ZC3H3: variants seen among roughly 807,000 people sequenced by gnomAD.
ZC3H3 encodes the protein zinc finger CCCH domain-containing protein 3.
Under a neutral mutation model 77.3 loss-of-function variants are expected in ZC3H3, and 36 were observed. The ratio of observed to expected loss-of-function variants is 0.47; its 90% CI spans 0.36 to 0.61. The LOEUF (loss-of-function observed/expected upper bound fraction) is 0.61, where lower values mean the gene tolerates loss of function less well. ZC3H3 is among the 20% of genes least tolerant of loss of function. The pLI is 0.00. For missense variants in ZC3H3, 1,331 were observed against 1,312.2 expected, an observed-to-expected ratio of 1.01 and a Z score of -0.22; for synonymous variants, 626 against 555.2, an observed-to-expected ratio of 1.13 and a Z score of -1.79.
chr8:143,511,217 C>A (rs536376502), intron 3 of ZC3H3, among the ~76,000 whole-genome samples: 1 of 152,118 alleles, frequency 6.6e-6, no homozygotes, highest in South Asian at 2.1e-4. Flanking sequence ...ATCAGGAGGG[C>A]GGCCGCTGAG....
intron 4 of ZC3H3, 41 bp from the exon 5 acceptor site, chr8:143,475,626 C>A (rs1207904844): frequency 6.5e-7 from 1 of 1,528,730 alleles, no homozygotes; most frequent in Admixed American, 2.0e-5. Context: ...GGCCCCAGGA[C>A]AGACTACAGC....
chr8:143,518,239 C>G (rs994200154), intron 3 of ZC3H3, among the ~76,000 whole-genome samples: 1 of 152,046 alleles, frequency 6.6e-6, no homozygotes, highest in African/African-American at 2.4e-5. Flanking sequence ...CAGCCTAACC[C>G]AGGGAGCCCG....
intron 9 of ZC3H3, among the ~76,000 whole-genome samples, chr8:143,459,414 C>T (rs929856293): frequency 8.5e-4 from 129 of 152,186 alleles, no homozygotes; most frequent in African/African-American, 2.8e-3. Context: ...CTGGGCCTGG[C>T]AGCGCGTGCC....
chr8:143,528,897 C>T (rs1822507008), intron 3 of ZC3H3, among the ~76,000 whole-genome samples: 1 of 152,244 alleles, frequency 6.6e-6, no homozygotes, highest in Admixed American at 6.5e-5. Context: ...GCACGCAGGG[C>T]GGCCAGGGTG....
intron 4 of ZC3H3, among the ~76,000 whole-genome samples, chr8:143,495,107 G>A (rs144281315): frequency 1.6e-3 from 251 of 152,302 alleles, no homozygotes; most frequent in Non-Finnish European, 2.5e-3. Context: ...TGGAAACACA[G>A]GTGCACAGAA....
At chr8:143,539,777 C>T (rs1470051657) in intron 1 of ZC3H3, among the ~76,000 whole-genome samples, 1 of 152,232 alleles carries the variant, frequency 6.6e-6, no homozygotes, top group African/African-American at 2.4e-5. Context: ...AGAACTGACA[C>T]TCTCGAGGAC....
Position 143,440,015 on chromosome 8 carries a change from G to T in ZC3H3, c.2815+26C>A, listed in dbSNP as rs117239159. 8 of 1,470,252 alleles carry T rather than the reference G, an allele frequency of 5.4e-6. No individual in the cohort carries two copies. In the Admixed American group the frequency reaches 1.6e-4, roughly 29 times the overall value. 91.1% of individuals were successfully genotyped at this position (1,470,252 alleles called of 1,614,324 possible). On this transcript the variant is annotated intron_variant, in intron 11 of 11. Coordinates refer to ENST00000262577, the MANE Select transcript of ZC3H3 (RefSeq NM_015117.3). Reference sequence around the variant, plus strand: ...AATCCTTGGTGAGGGGGGCCCTGGGGGCCCGAGCCAGGCCGTGCTGCCTAC... The same window carrying T: ...AATCCTTGGTGAGGGGGGCCCTGGGTGCCCGAGCCAGGCCGTGCTGCCTAC...
intron 3 of ZC3H3, among the ~76,000 whole-genome samples, chr8:143,527,354 C>T (rs1194762757): frequency 6.6e-6 from 1 of 152,176 alleles, no homozygotes; most frequent in Non-Finnish European, 1.5e-5. Context: ...CCCAAGCTGT[C>T]CCCAGTGTGG....
chr8:143,538,493 C>T lies in ZC3H3; in HGVS notation c.874G>A (p.Ala292Thr). The stretch of plus-strand genomic sequence containing the variant: ...GTCACAACCAGCGAGGCCTCCCGGG[C>T]CTGCCTGGGTCCTGAGGCCGGTCTG... ...PARPASGPRQAREASLVVTCR... is the reference protein window; with the variant it reads ...PARPASGPRQTREASLVVTCR... The change falls in exon 2 of 12, where the codon GCC becomes ACC. Residue 292 changes from alanine (A) to threonine (T), a missense_variant. Coordinates refer to ENST00000262577, the MANE Select transcript of ZC3H3 (RefSeq NM_015117.3). 1 of 1,612,856 alleles carries T rather than the reference C, an allele frequency of 6.2e-7. No individual in the cohort carries two copies. The highest frequency in any genetic ancestry group is 8.5e-7 in the Non-Finnish European group (1 of 1,180,034).
chr8:143,489,543 A>C (rs1285948921), intron 4 of ZC3H3, among the ~76,000 whole-genome samples: 3 of 152,136 alleles, frequency 2.0e-5, no homozygotes, highest in Non-Finnish European at 4.4e-5. Flanking sequence ...CAGCCTCCGC[A>C]GGCAAGGGGG....
intron 3 of ZC3H3, among the ~76,000 whole-genome samples, chr8:143,527,655 G>C (rs1213883639): frequency 6.6e-6 from 1 of 152,200 alleles, no homozygotes; most frequent in African/African-American, 2.4e-5. Flanking sequence ...CAGGACTCCA[G>C]ATCTAACTGC....
chr8:143,456,040 T>C (rs1280365416), intron 9 of ZC3H3, among the ~76,000 whole-genome samples: 1 of 120,128 alleles, frequency 8.3e-6, no homozygotes, highest in East Asian at 2.6e-4. Context: ...TGGAAGATAA[T>C]AGAAACATGT....
intron 4 of ZC3H3, among the ~76,000 whole-genome samples, chr8:143,495,762 CTTTTTTT>C (rs77825264): frequency 2.2e-5 from 3 of 139,484 alleles, no homozygotes; most frequent in Non-Finnish European, 3.1e-5. Flanking sequence ...TCTTTTCTTT[CTTTTTTT>C]TTTTTTTTTA....
chr8:143,476,551 C>T (rs531872217), intron 4 of ZC3H3, among the ~76,000 whole-genome samples: 7 of 152,270 alleles, frequency 4.6e-5, no homozygotes, highest in South Asian at 2.1e-4. Context: ...TGCGGACCCT[C>T]GGGCAAGCAG....
Position 143,538,676 on chromosome 8 carries a change from G to A in ZC3H3, c.691C>T (p.Pro231Ser). Residue 231 changes from proline (P) to serine (S), a missense_variant, in exon 2 of 12, where the codon CCA becomes TCA. Pro to Ser is a moderately conservative substitution (Grantham distance 74, BLOSUM62 -1). Coordinates refer to ENST00000262577, the MANE Select transcript of ZC3H3 (RefSeq NM_015117.3). ...ESVIAVKASF[P>S]SSALPPRTGV... Reference sequence around the variant, plus strand: ...GTGCGTGGGGGCAGAGCGGAGGATGGGAAGCTCGCCTTGACGGCAATCACA... The same window carrying A: ...GTGCGTGGGGGCAGAGCGGAGGATGAGAAGCTCGCCTTGACGGCAATCACA... The A allele has an allele frequency of 1.2e-6, 2 of 1,608,254 alleles. No individual in the cohort carries two copies. Among genetic ancestry groups the A allele is most frequent in the Non-Finnish European group, 1.7e-6 (2 of 1,179,900 alleles).
Position 143,462,005 on chromosome 8 carries a change from A to C in ZC3H3, c.2307+3712T>G, listed in dbSNP as rs1474070466. 6.6e-6 allele frequency among the ~76,000 whole-genome samples: 1 copy of C among 151,756 alleles called. No homozygotes were observed. Among genetic ancestry groups the C allele is most frequent in the Non-Finnish European group, 1.5e-5 (1 of 67,968 alleles). ...TTTTTTTTTTTAAAGCTGACACCAC[A>C]GATCAAAGGGTTAGATCACCGTTGA... On this transcript the variant is annotated intron_variant, in intron 9 of 11. Coordinates refer to ENST00000262577, the MANE Select transcript of ZC3H3 (RefSeq NM_015117.3). This position sits in a 1 kb window ranked among gnomAD's most constrained non-coding sequence, Gnocchi z 4.7.
At position 143,475,448 on chromosome 8, in the gene ZC3H3, T is replaced by C. The variant is rs769668150; in HGVS notation, c.1853A>G (p.Lys618Arg). 12 of 1,612,982 alleles carry C rather than the reference T, an allele frequency of 7.4e-6. No homozygotes were observed. In the African/African-American group the frequency reaches 1.6e-4, roughly 22 times the overall value. Residue 618 changes from lysine to arginine, a missense_variant, in exon 5 of 12, where the codon AAG (lysine) becomes AGG (arginine). This residue lies in a region of ZC3H3 where 978 missense variants were observed against 915.5 expected (regional missense o/e 1.07). Coordinates refer to ENST00000262577, the MANE Select transcript of ZC3H3 (RefSeq NM_015117.3). Reference protein sequence around the residue: ...LYKVSANKLSKTSGQPSDAGS... With the variant: ...LYKVSANKLSRTSGQPSDAGS... The stretch of plus-strand genomic sequence containing the variant: ...CGCATCACTGGGCTGGCCGGAGGTC[T>C]TGGAGAGCTTGTTGGCAGATACTTT...
rs565868970 is a variant in ZC3H3, at chr8:143,537,236, C to T, written c.1364+767G>A. On this transcript the variant is annotated intron_variant, in intron 2 of 11. Transcript: ENST00000262577. ...AAGGGTGGAGGCCGGGAGAGATGTG[C>T]GCCAAGCAAGTGAGTGACTCTGCCT... Among the ~76,000 whole-genome samples the T allele has an allele frequency of 5.3e-5, 8 of 152,316 alleles. No individual in the cohort carries two copies. In the South Asian group the frequency reaches 8.3e-4, roughly 16 times the overall value.
intron 5 of ZC3H3, among the ~76,000 whole-genome samples, chr8:143,469,303 G>A (rs1048589798): frequency 6.6e-6 from 1 of 152,254 alleles, no homozygotes; most frequent in African/African-American, 2.4e-5. Flanking sequence ...GGCCTTTTGG[G>A]AGCAAGAATG....
Sources: gnomAD v4.1 joint callset for allele counts (sites outside exome capture counted in the v4.1 genomes callset) on GRCh38, gnomAD v4.1.1 for gene constraint, gnomAD v4.1.1 regional missense constraint, Gnocchi (gnomAD v3.1) non-coding constraint, MANE v1.5 for transcripts, NCBI Gene and HGNC (gene_info 2026-07-23, HGNC 2026-07-21) for gene names.